Variants in CDH18 observed in about 807,000 individuals in gnomAD.
The protein encoded by CDH18 is cadherin 18.
CDH18 carries 31 observed loss-of-function variants against 67.9 expected under a neutral mutation model. The observed-to-expected ratio is 0.46, with a 90% CI of 0.34 to 0.62. The LOEUF is 0.62. Ranked by LOEUF, CDH18 falls within the 20% of genes least tolerant of loss-of-function variation. The pLI is 0.01. For synonymous variants in CDH18, 362 were observed against 347.2 expected (o/e 1.04, Z -0.48); for missense variants, 890 against 975.5 (o/e 0.91, Z 1.17).
At chr5:19,699,302 CTAGT>C (rs1013325958) in intron 5 of CDH18, among the ~76,000 whole-genome samples, 7 of 152,038 alleles carry the variant, frequency 4.6e-5, no homozygotes, top group Non-Finnish European at 8.8e-5. Context: ...CTATGAAAGG[CTAGT>C]TAGAGTTTCC....
intron 2 of CDH18, among the ~76,000 whole-genome samples, chr5:20,116,813 T>A (rs1213169037): frequency 6.6e-6 from 1 of 152,182 alleles, no homozygotes; most frequent in Non-Finnish European, 1.5e-5. Context: ...GAATAAGCTG[T>A]TAGGCTGCAG....
intron 5 of CDH18, among the ~76,000 whole-genome samples, chr5:19,617,614 T>A (rs142928946): frequency 1.3e-3 from 191 of 152,334 alleles, no homozygotes; most frequent in Non-Finnish European, 2.3e-3. Flanking sequence ...TCACTGGCAA[T>A]GTTTACTTCA....
chr5:20,308,175 A>G (rs1438011236), intron 1 of CDH18, among the ~76,000 whole-genome samples: 1 of 150,730 alleles, frequency 6.6e-6, no homozygotes, highest in East Asian at 2.0e-4. Context: ...ACGGGTGGAA[A>G]GTCAATATGA....
At chr5:20,334,359 G>A (rs1162058564) in intron 1 of CDH18, among the ~76,000 whole-genome samples, 12 of 151,108 alleles carry the variant, frequency 7.9e-5, no homozygotes, top group African/African-American at 2.7e-4. Flanking sequence ...GGATGGTCTC[G>A]ATCTCCTGAC....
intron 1 of CDH18, among the ~76,000 whole-genome samples, chr5:20,544,056 G>A (rs1479431881): frequency 6.6e-6 from 1 of 152,124 alleles, no homozygotes; most frequent in African/African-American, 2.4e-5. Context: ...ACTTGATTCT[G>A]AATGATCAAG....
chr5:20,550,372 T>C lies in CDH18; in HGVS notation c.-580+25090A>G, dbSNP rs142725282. Among the ~76,000 whole-genome samples the C allele has an allele frequency of 5.2e-3, 791 of 152,302 alleles. 6 individuals are homozygous for C. Among genetic ancestry groups the C allele is most frequent in the African/African-American group, 0.018 (749 of 41,570 alleles). On this transcript the variant is annotated intron_variant, in intron 1 of 14. Transcript: ENST00000507958. ...GTGACTATAAAGCCAGTTTACACCT[T>C]GGAGAGCGATCTATAGAATTTTAGT...
At chr5:20,400,627 T>TGGC (rs1417450752) in intron 1 of CDH18, among the ~76,000 whole-genome samples, 3 of 146,504 alleles carry the variant, frequency 2.0e-5, no homozygotes, top group Non-Finnish European at 4.5e-5. Flanking sequence ...GGTGTGGTGG[T>TGGC]GGCACACGCC....
At chr5:19,565,645 G>A (rs1740255886) in intron 8 of CDH18, among the ~76,000 whole-genome samples, 1 of 152,202 alleles carries the variant, frequency 6.6e-6, no homozygotes, top group Non-Finnish European at 1.5e-5. Context: ...CTCTTCAGTG[G>A]TGCTGGGAAA....
chr5:19,782,717 C>G (rs1429589350), intron 3 of CDH18, among the ~76,000 whole-genome samples: 1 of 152,100 alleles, frequency 6.6e-6, no homozygotes, highest in African/African-American at 2.4e-5. Flanking sequence ...GTCTCCTGCA[C>G]TGTAAAATGA....
chr5:19,581,886 G>C (rs1035627812), intron 7 of CDH18, among the ~76,000 whole-genome samples: 5 of 152,008 alleles, frequency 3.3e-5, no homozygotes, highest in African/African-American at 9.7e-5. Context: ...AATATGCTTT[G>C]TGGCCCTTGT....
At chr5:20,123,501 C>T (rs1748546842) in intron 2 of CDH18, among the ~76,000 whole-genome samples, 1 of 152,196 alleles carries the variant, frequency 6.6e-6, no homozygotes, top group African/African-American at 2.4e-5. Context: ...ATAACTCCCC[C>T]ACATTCCTCT....
chr5:19,502,051 A>G (rs1743341793), intron 11 of CDH18, among the ~76,000 whole-genome samples: 1 of 152,212 alleles, frequency 6.6e-6, no homozygotes, highest in Non-Finnish European at 1.5e-5. Context: ...GCGCATTTTG[A>G]TACTTTGTTA....
At chr5:19,717,414 GT>G (rs34638666) in intron 5 of CDH18, among the ~76,000 whole-genome samples, 139,293 of 151,962 alleles carry the variant, frequency 0.92, 65,008 homozygotes, top group East Asian at 1. Flanking sequence ...GAAATGGAAA[GT>G]TTCCATTCTG....
At chr5:20,281,543 C>T (rs926653569) in intron 1 of CDH18, among the ~76,000 whole-genome samples, 31 of 152,124 alleles carry the variant, frequency 2.0e-4, no homozygotes, top group Non-Finnish European at 3.2e-4. Context: ...TTTCTGAGGG[C>T]TCTGTTCTTT....
At chr5:19,477,417 T>C (rs1738668732) in intron 12 of CDH18, among the ~76,000 whole-genome samples, 1 of 151,624 alleles carries the variant, frequency 6.6e-6, no homozygotes, top group Non-Finnish European at 1.5e-5. Flanking sequence ...AAAATCTCTG[T>C]GAAAATGGTA....
At chr5:20,449,405 T>C (rs957553904) in intron 1 of CDH18, among the ~76,000 whole-genome samples, 2 of 152,148 alleles carry the variant, frequency 1.3e-5, no homozygotes, top group Non-Finnish European at 1.5e-5. Flanking sequence ...TTTGAGAATA[T>C]AAGACTAAAC....
chr5:20,458,551 G>A (rs1581037557), intron 1 of CDH18, among the ~76,000 whole-genome samples: 2 of 152,248 alleles, frequency 1.3e-5, no homozygotes, highest in East Asian at 1.9e-4. Context: ...CCAGGAGACC[G>A]AGTTTGCAGT....
chr5:19,502,686 C>A, intron 11 of CDH18: 1 of 462,634 alleles, frequency 2.2e-6, no homozygotes, highest in Non-Finnish European at 3.8e-6. Flanking sequence ...TTTCTACCTC[C>A]AAGCAGTGGC....
chr5:19,604,565 AC>A (rs1250670674), intron 6 of CDH18, among the ~76,000 whole-genome samples: 14 of 151,458 alleles, frequency 9.2e-5, no homozygotes, highest in Admixed American at 2.0e-4. Flanking sequence ...ACACACACAC[AC>A]ACACACACAC....
Sources: allele counts gnomAD v4.1 joint callset (sites outside exome capture counted in the v4.1 genomes callset), GRCh38; gene constraint gnomAD v4.1.1; transcripts MANE v1.5; gene names NCBI Gene and HGNC (gene_info 2026-07-23, HGNC 2026-07-21).